Variants in FHIT observed in about 807,000 individuals in gnomAD.
FHIT encodes bis(5'-adenosyl)-triphosphatase.
FHIT carries 19 observed loss-of-function variants against 17.9 expected under a neutral mutation model. The observed-to-expected ratio is 1.06, with a 90% CI of 0.74 to 1.56. The LOEUF is 1.56. FHIT is among the 40% of genes most tolerant of loss of function. FHIT has a pLI of 0.00. For missense variants in FHIT, 248 were observed against 189.2 expected (o/e 1.31, Z -1.82); for synonymous variants, 81 against 69.7 (o/e 1.16, Z -0.81).
chr3:59,896,477 T>C (rs1181338597), intron 8 of FHIT, among the ~76,000 whole-genome samples: 2 of 152,142 alleles, frequency 1.3e-5, no homozygotes, highest in African/African-American at 2.4e-5. Flanking sequence ...TAGAGGGTAG[T>C]TAGTGTTCAT....
chr3:61,230,489 A>T (rs539355184), intron 1 of FHIT, among the ~76,000 whole-genome samples: 120 of 152,264 alleles, frequency 7.9e-4, no homozygotes, highest in African/African-American at 2.7e-3. Context: ...CAGCCTGAAG[A>T]TCTGTGAGCC....
At chr3:60,359,754 C>G (rs1033157304) in intron 5 of FHIT, among the ~76,000 whole-genome samples, 35 of 152,248 alleles carry the variant, frequency 2.3e-4, no homozygotes, top group African/African-American at 8.4e-4. Flanking sequence ...CCAGACAGGT[C>G]CATTTTCATG....
intron 8 of FHIT, among the ~76,000 whole-genome samples, chr3:59,890,667 T>C (rs1453488238): frequency 1.3e-5 from 2 of 152,174 alleles, no homozygotes; most frequent in Non-Finnish European, 2.9e-5. Flanking sequence ...AGTATGATCT[T>C]TGAAACACTA....
At chr3:60,295,649 C>T (rs1385395675) in intron 5 of FHIT, among the ~76,000 whole-genome samples, 2 of 152,012 alleles carry the variant, frequency 1.3e-5, no homozygotes, top group African/African-American at 2.4e-5. Context: ...CAAATTTTGA[C>T]GTGAGGATTG....
chr3:59,926,143 T>A (rs566584953), intron 7 of FHIT, among the ~76,000 whole-genome samples: 1 of 152,310 alleles, frequency 6.6e-6, no homozygotes, highest in Admixed American at 6.5e-5. Context: ...CATGGTCAAA[T>A]AACATTTCAC....
At chr3:60,191,408 T>C (rs1287140402) in intron 5 of FHIT, among the ~76,000 whole-genome samples, 1 of 152,216 alleles carries the variant, frequency 6.6e-6, no homozygotes, top group Non-Finnish European at 1.5e-5. Flanking sequence ...TACTCAAAAA[T>C]CTCTCTAACT....
At chr3:59,981,257 A>T (rs893156518) in intron 7 of FHIT, among the ~76,000 whole-genome samples, 5 of 152,090 alleles carry the variant, frequency 3.3e-5, no homozygotes, top group Non-Finnish European at 5.9e-5. Flanking sequence ...TTTAAATTTT[A>T]ACTCAAAGGA....
intron 2 of FHIT, among the ~76,000 whole-genome samples, chr3:61,154,246 T>C (rs1436828894): frequency 2.0e-5 from 3 of 152,178 alleles, no homozygotes; most frequent in Non-Finnish European, 4.4e-5. Flanking sequence ...CCCAGAATGA[T>C]AGGACCATTT....
At chr3:60,180,310 T>C (rs1463023245) in intron 5 of FHIT, among the ~76,000 whole-genome samples, 1 of 152,078 alleles carries the variant, frequency 6.6e-6, no homozygotes, top group Admixed American at 6.6e-5. Flanking sequence ...TATGCTGAAG[T>C]TATAAAAAGG....
intron 4 of FHIT, among the ~76,000 whole-genome samples, chr3:60,546,173 T>C (rs1365780421): frequency 6.6e-6 from 1 of 152,234 alleles, no homozygotes; most frequent in African/African-American, 2.4e-5. Flanking sequence ...GTTTAATCAC[T>C]ACACATTTAC....
At chr3:60,315,073 G>A (rs1405402767) in intron 5 of FHIT, among the ~76,000 whole-genome samples, 1 of 152,102 alleles carries the variant, frequency 6.6e-6, no homozygotes, top group African/African-American at 2.4e-5. Context: ...CATATTATGA[G>A]GAAGCCCAAG....
intron 5 of FHIT, among the ~76,000 whole-genome samples, chr3:60,286,398 A>T (rs1707731184): frequency 6.6e-6 from 1 of 152,146 alleles, no homozygotes; most frequent in African/African-American, 2.4e-5. Flanking sequence ...ATTCTTACGT[A>T]TCTTTTATCT....
At chr3:61,216,043 G>T (rs970110254) in intron 1 of FHIT, among the ~76,000 whole-genome samples, 1 of 152,056 alleles carries the variant, frequency 6.6e-6, no homozygotes, top group East Asian at 1.9e-4. Context: ...AAAAACCCTA[G>T]AAGAAAACCT....
chr3:60,882,369 C>A (rs1553758141), intron 3 of FHIT, among the ~76,000 whole-genome samples: 1 of 152,052 alleles, frequency 6.6e-6, no homozygotes, highest in Non-Finnish European at 1.5e-5. Flanking sequence ...TTCTTTCAAG[C>A]TGATTCTACA....
intron 4 of FHIT, among the ~76,000 whole-genome samples, chr3:60,700,150 A>T (rs9834653): frequency 0.12 from 17,384 of 149,460 alleles, 2,266 homozygotes; most frequent in African/African-American, 0.32. Flanking sequence ...AAAAAAATAC[A>T]CAGGTATGTA....
intron 2 of FHIT, among the ~76,000 whole-genome samples, chr3:61,106,312 G>A (rs972394343): frequency 1.3e-5 from 2 of 152,086 alleles, no homozygotes; most frequent in African/African-American, 4.8e-5. Context: ...TGTGTGTGGT[G>A]AGAACACTTA....
At chr3:60,309,810 G>C (rs1708858612) in intron 5 of FHIT, among the ~76,000 whole-genome samples, 1 of 151,976 alleles carries the variant, frequency 6.6e-6, no homozygotes, top group South Asian at 2.1e-4. Flanking sequence ...CATCCTCGCA[G>C]CTCTCCAACT....
At position 59,787,526 on chromosome 3, in the gene FHIT, A is replaced by ACACT. The variant is rs1205518012; in HGVS notation, c.349-35206_349-35205insAGTG. On this transcript the variant is annotated intron_variant, in intron 8 of 9. Coordinates refer to ENST00000492590, the MANE Select transcript of FHIT (RefSeq NM_002012.4). ...CACACACACACACACACACACACAC[A>ACACT]CACGTCAAAGGCTTCTCCCTCTTTA... Among the ~76,000 whole-genome samples the ACACT allele has an allele frequency of 5.4e-3, 728 of 135,242 alleles. 11 individuals carry two copies. The highest frequency in any genetic ancestry group is 7.9e-3 in the Middle Eastern group (2 of 254). The allele number at this position is 135,242 out of a possible 152,430, so 88.7% of individuals were successfully genotyped here. A position where few individuals can be genotyped will look rare whatever the true frequency, so the allele number is the denominator to read the frequency against.
At chr3:60,327,966 T>G (rs1346709813) in intron 5 of FHIT, among the ~76,000 whole-genome samples, 1 of 152,160 alleles carries the variant, frequency 6.6e-6, no homozygotes, top group African/African-American at 2.4e-5. Context: ...GAGGCCACAG[T>G]GATCCCAGAG....
Sources: gnomAD v4.1 joint callset for allele counts (sites outside exome capture counted in the v4.1 genomes callset) on GRCh38, gnomAD v4.1.1 for gene constraint, MANE v1.5 for transcripts, NCBI Gene and HGNC (gene_info 2026-07-23, HGNC 2026-07-21) for gene names.